SLC4A10: variants seen among roughly 807,000 people sequenced by gnomAD.
SLC4A10 encodes the protein sodium-driven chloride bicarbonate exchanger.
Under a neutral mutation model 137.7 loss-of-function variants are expected in SLC4A10, and 42 were observed. That is an observed-to-expected ratio of 0.30 (90% confidence interval 0.24 to 0.39). The LOEUF is 0.39. Ranked by LOEUF, SLC4A10 falls within the 10% of genes least tolerant of loss-of-function variation. The pLI is 1.00. For synonymous variants in SLC4A10, 474 were observed against 464.1 expected, an observed-to-expected ratio of 1.02 and a Z score of -0.27; for missense variants, 925 against 1,355.0, an observed-to-expected ratio of 0.68 and a Z score of 4.98.
At chr2:161,921,269 T>C (rs1035748592) in intron 15 of SLC4A10, among the ~76,000 whole-genome samples, 4 of 152,206 alleles carry the variant, frequency 2.6e-5, no homozygotes, top group Admixed American at 1.3e-4. Flanking sequence ...ATGCAGATCA[T>C]CACTAGATCT....
intron 24 of SLC4A10, 85 bp downstream of exon 24, chr2:161,974,401 TC>T: frequency 2.0e-6 from 2 of 1,023,516 alleles, no homozygotes; most frequent in Non-Finnish European, 1.3e-6. Flanking sequence ...GTGTAGATCC[TC>T]AGAGAGGTTT....
intron 15 of SLC4A10, among the ~76,000 whole-genome samples, chr2:161,918,481 A>T (rs909369479): frequency 6.6e-6 from 1 of 152,190 alleles, no homozygotes; most frequent in African/African-American, 2.4e-5. Flanking sequence ...TCAAATAGGA[A>T]ATAAAAATAT....
At chr2:161,771,143 C>CA in intron 2 of SLC4A10, 89 bp downstream of exon 2, 1 of 955,566 alleles carries the variant, frequency 1.0e-6, no homozygotes, top group South Asian at 1.5e-5. Context: ...TGAAGAATTG[C>CA]AAAAGTTGGT....
intron 1 of SLC4A10, among the ~76,000 whole-genome samples, chr2:161,765,262 T>A (rs1269936941): frequency 6.6e-6 from 1 of 152,102 alleles, no homozygotes; most frequent in African/African-American, 2.4e-5. Flanking sequence ...CCCAAAAAAA[T>A]TTTAAAACAC....
intron 1 of SLC4A10, among the ~76,000 whole-genome samples, chr2:161,725,914 T>C (rs78863323): frequency 0.016 from 2,470 of 152,322 alleles, 72 homozygotes; most frequent in African/African-American, 0.055. Context: ...ACTTCTGGCA[T>C]AATATTTACC....
rs762500627 is a variant in SLC4A10, at chr2:161,868,709, T to G, written c.767-3584T>G. 7.8e-4 allele frequency among the ~76,000 whole-genome samples: 118 copies of G among 151,702 alleles called. 1 individual carries two copies. Among genetic ancestry groups the G allele is most frequent in the Non-Finnish European group, 1.3e-3 (86 of 67,652 alleles). On this transcript the variant is annotated intron_variant, in intron 6 of 26. Transcript: ENST00000446997. The stretch of plus-strand genomic sequence containing the variant: ...TGTTGAGCTTAACAAGTCATAAAAA[T>G]GTATTTAGTAAATAGCAGAGGAGAT...
chr2:161,899,263 AATTT>A (rs2063847923), intron 11 of SLC4A10, among the ~76,000 whole-genome samples: 1 of 152,034 alleles, frequency 6.6e-6, no homozygotes, highest in African/African-American at 2.4e-5. Context: ...AATACTATTA[AATTT>A]ACCAATCTTA....
At chr2:161,697,448 G>T (rs1250874005) in intron 1 of SLC4A10, among the ~76,000 whole-genome samples, 1 of 151,830 alleles carries the variant, frequency 6.6e-6, no homozygotes, top group Non-Finnish European at 1.5e-5. Context: ...GGTCTAACAT[G>T]TAAGTCTTTA....
chr2:161,812,915 G>A (rs1202581124), intron 3 of SLC4A10, among the ~76,000 whole-genome samples: 1 of 151,964 alleles, frequency 6.6e-6, no homozygotes, highest in Non-Finnish European at 1.5e-5. Context: ...TTGATTATCT[G>A]CAGAATAAAT....
At chr2:161,697,591 G>A (rs536298420) in intron 1 of SLC4A10, among the ~76,000 whole-genome samples, 2 of 152,250 alleles carry the variant, frequency 1.3e-5, no homozygotes, top group South Asian at 4.1e-4. Context: ...GTTTTTGTCA[G>A]ATTTGTCAAA....
chr2:161,644,064 TA>T (rs2035666543), intron 1 of SLC4A10, among the ~76,000 whole-genome samples: 1 of 89,218 alleles, frequency 1.1e-5, no homozygotes, highest in East Asian at 4.3e-4. Flanking sequence ...TTCTGGCTTC[TA>T]ATCTTTTTTT....
At chr2:161,783,488 G>T (rs12053256) in intron 2 of SLC4A10, among the ~76,000 whole-genome samples, 3 of 151,846 alleles carry the variant, frequency 2.0e-5, no homozygotes, top group Non-Finnish European at 4.4e-5. Flanking sequence ...AATAGTGGTA[G>T]GTAGACCACT....
chr2:161,953,649 T>G (rs7580486), intron 19 of SLC4A10, among the ~76,000 whole-genome samples: 57,259 of 151,922 alleles, frequency 0.38, 11,452 homozygotes, highest in Admixed American at 0.46. Context: ...GTGTCACTAT[T>G]TACACAATAA....
chr2:161,640,617 CT>C (rs1558923370), intron 1 of SLC4A10, among the ~76,000 whole-genome samples: 2 of 138,300 alleles, frequency 1.4e-5, no homozygotes, highest in Non-Finnish European at 3.1e-5. Flanking sequence ...TCCTTCCTTC[CT>C]TCCTTCCTTC....
At chr2:161,934,334 TCTGATAAC>T (rs1251142900) in intron 15 of SLC4A10, among the ~76,000 whole-genome samples, 1 of 151,752 alleles carries the variant, frequency 6.6e-6, no homozygotes, top group East Asian at 1.9e-4. Flanking sequence ...CTTCCCAGCC[TCTGATAAC>T]CATCATTATA....
At chr2:161,634,911 C>A (rs59166119) in intron 1 of SLC4A10, among the ~76,000 whole-genome samples, 2 of 151,970 alleles carry the variant, frequency 1.3e-5, no homozygotes, top group Non-Finnish European at 2.9e-5. Flanking sequence ...TTCTCTACTT[C>A]TACAGAAACA....
chr2:161,759,253 T>C (rs966273835), intron 1 of SLC4A10, among the ~76,000 whole-genome samples: 9 of 152,018 alleles, frequency 5.9e-5, no homozygotes, highest in Admixed American at 2.0e-4. Context: ...TGATTTGATA[T>C]ACATTGTATA....
chr2:161,926,151 A>G (rs369521185), intron 15 of SLC4A10, among the ~76,000 whole-genome samples: 77 of 144,906 alleles, frequency 5.3e-4, no homozygotes, highest in South Asian at 1.1e-3. Context: ...TGACAGTGGG[A>G]TGTTAAAGTC....
At chr2:161,697,931 A>G (rs186260587) in intron 1 of SLC4A10, among the ~76,000 whole-genome samples, 1 of 152,286 alleles carries the variant, frequency 6.6e-6, no homozygotes, top group African/African-American at 2.4e-5. Flanking sequence ...GATTTTTCCT[A>G]TCTATGAGCA....
Sources: gnomAD v4.1 joint callset for allele counts (sites outside exome capture counted in the v4.1 genomes callset) on GRCh38, gnomAD v4.1.1 for gene constraint, MANE v1.5 for transcripts, NCBI Gene and HGNC (gene_info 2026-07-23, HGNC 2026-07-21) for gene names.